PIP5K1B: variants seen among roughly 807,000 people sequenced by gnomAD.
The protein encoded by PIP5K1B is phosphatidylinositol-4-phosphate 5-kinase type 1 beta, also known as phosphatidylinositol 4-phosphate 5-kinase type-1 beta.
In PIP5K1B, 42 loss-of-function variants were observed where a neutral mutation model predicts 67.0. That is an observed-to-expected ratio of 0.63 (90% confidence interval 0.49 to 0.81). The LOEUF is 0.81. Ranked by LOEUF, PIP5K1B falls within the 30% of genes least tolerant of loss-of-function variation. The pLI, the probability that PIP5K1B is intolerant of heterozygous loss-of-function variation, is 0.00. For missense variants in PIP5K1B, 459 were observed against 646.3 expected (o/e 0.71, Z 3.14); for synonymous variants, 214 against 231.4 (o/e 0.92, Z 0.68).
At chr9:68,850,051 G>C (rs1324881300) in intron 4 of PIP5K1B, among the ~76,000 whole-genome samples, 1 of 152,160 alleles carries the variant, frequency 6.6e-6, no homozygotes, top group African/African-American at 2.4e-5. Flanking sequence ...TTTCTCACAC[G>C]CATGAAGTGC....
rs1034969019 is a variant in PIP5K1B at position 68,920,425 on chromosome 9, T to A, written c.1116+696T>A. Among the ~76,000 whole-genome samples the A allele has an allele frequency of 6.2e-5, 8 of 128,932 alleles. No homozygotes were observed. The Admixed American group carries it at 7.4e-4, about 12-fold the overall frequency. 84.6% of individuals were successfully genotyped at this position (128,932 alleles called of 152,430 possible). A position where few individuals can be genotyped will look rare whatever the true frequency, so the allele number is the denominator to read the frequency against. On this transcript the variant is annotated intron_variant, in intron 11 of 15. Transcript: ENST00000265382. Reference sequence around the variant, plus strand: ...CTCTGTCACCCAGGCTGGAGTGCAGTGGTGCAATCTCAGCTCACTGCAACC... The same window carrying A: ...CTCTGTCACCCAGGCTGGAGTGCAGAGGTGCAATCTCAGCTCACTGCAACC...
rs182677357 is a variant in PIP5K1B, at chr9:68,987,455, G to A, written c.1503-3685G>A. 7.4e-5 allele frequency among the ~76,000 whole-genome samples: 11 copies of A among 149,474 alleles called. No homozygotes were observed. In the East Asian group the frequency reaches 1.6e-3, roughly 22 times the overall value. On this transcript the variant is annotated intron_variant, in intron 14 of 15. Transcript: ENST00000265382. ...CAAGTGCCTATAATCCCTGCTACTC[G>A]GGAGCCTGAGGCAGGAGAATCACTT...
At chr9:68,843,202 G>A (rs1822006592) in intron 4 of PIP5K1B, 1 of 152,210 alleles carries the variant, frequency 6.6e-6, no homozygotes, top group Non-Finnish European at 1.5e-5. Flanking sequence ...CCCCAGTCAG[G>A]GAACCCTATG....
intron 15 of PIP5K1B, among the ~76,000 whole-genome samples, chr9:68,994,302 A>G (rs1830516734): frequency 6.6e-6 from 1 of 152,086 alleles, no homozygotes; most frequent in South Asian, 2.1e-4. Context: ...TCGGCCTCCC[A>G]AAGTGCTGGG....
chr9:68,918,650 G>A (rs1826219373), intron 9 of PIP5K1B, among the ~76,000 whole-genome samples: 1 of 152,188 alleles, frequency 6.6e-6, no homozygotes, highest in African/African-American at 2.4e-5. Context: ...CAAGGAGACT[G>A]AAAGAAAGCA....
At chr9:68,992,698 G>A (rs1830431298) in intron 15 of PIP5K1B, among the ~76,000 whole-genome samples, 1 of 151,432 alleles carries the variant, frequency 6.6e-6, no homozygotes, top group African/African-American at 2.4e-5. Flanking sequence ...AAATTAGGCA[G>A]GCATGGTGGT....
intron 6 of PIP5K1B, among the ~76,000 whole-genome samples, chr9:68,883,461 C>T (rs760172542): frequency 6.6e-6 from 1 of 152,214 alleles, no homozygotes; most frequent in Non-Finnish European, 1.5e-5. Flanking sequence ...ACTTAGGAAG[C>T]CAGCAGACAC....
chr9:69,000,622 CT>C (rs1029400204), intron 15 of PIP5K1B, among the ~76,000 whole-genome samples: 4 of 152,174 alleles, frequency 2.6e-5, no homozygotes, highest in African/African-American at 7.2e-5. Flanking sequence ...CATCTTCCCC[CT>C]GTACGTGTCT....
chr9:68,842,535 ATGT>A (rs1320102602), intron 4 of PIP5K1B, among the ~76,000 whole-genome samples: 1 of 152,214 alleles, frequency 6.6e-6, no homozygotes, highest in East Asian at 1.9e-4. Context: ...ACAAGCATTG[ATGT>A]TGTACTTCCA....
chr9:68,819,056 T>C (rs1462362770), intron 3 of PIP5K1B, among the ~76,000 whole-genome samples: 1 of 152,156 alleles, frequency 6.6e-6, no homozygotes, highest in Non-Finnish European at 1.5e-5. Flanking sequence ...AACATAAAAT[T>C]AGCCATTTAA....
chr9:68,960,929 G>T (rs1462306451), intron 14 of PIP5K1B, among the ~76,000 whole-genome samples: 1 of 151,788 alleles, frequency 6.6e-6, no homozygotes, highest in African/African-American at 2.4e-5. Flanking sequence ...GCGTGTCACC[G>T]GCCGGGCGCG....
intron 1 of PIP5K1B, among the ~76,000 whole-genome samples, chr9:68,737,063 T>C (rs1347649165): frequency 6.6e-6 from 1 of 152,234 alleles, no homozygotes; most frequent in Non-Finnish European, 1.5e-5. Context: ...AAGATAAATA[T>C]CCAAGTTTAG....
chr9:68,931,242 A>T (rs1320023351), intron 12 of PIP5K1B, among the ~76,000 whole-genome samples: 1 of 152,252 alleles, frequency 6.6e-6, no homozygotes, highest in Non-Finnish European at 1.5e-5. Context: ...TGTCTAAAGT[A>T]CTAAAGCTTA....
intron 1 of PIP5K1B, among the ~76,000 whole-genome samples, chr9:68,712,643 A>T (rs1827445571): frequency 6.6e-6 from 1 of 152,190 alleles, no homozygotes; most frequent in African/African-American, 2.4e-5. Flanking sequence ...GCTGAATCAG[A>T]CTGAGAGGAC....
At chr9:68,892,524 A>G (rs1194685590) in intron 7 of PIP5K1B, among the ~76,000 whole-genome samples, 1 of 152,194 alleles carries the variant, frequency 6.6e-6, no homozygotes, top group Non-Finnish European at 1.5e-5. Context: ...TCAATTGGAA[A>G]ATGTCAGACT....
At chr9:68,779,957 C>G (rs1021173547) in intron 2 of PIP5K1B, 44 of 582,202 alleles carry the variant, frequency 7.6e-5, no homozygotes, top group Non-Finnish European at 1.2e-4. Context: ...TCGCCCCTCC[C>G]CTACCACTGC....
At chr9:68,746,871 C>G (rs1829337672) in intron 2 of PIP5K1B, among the ~76,000 whole-genome samples, 1 of 152,118 alleles carries the variant, frequency 6.6e-6, no homozygotes, top group Non-Finnish European at 1.5e-5. Flanking sequence ...AGATGCAGCC[C>G]CATGAAAGCA....
intron 14 of PIP5K1B, among the ~76,000 whole-genome samples, chr9:68,971,159 G>A (rs1006401098): frequency 6.6e-6 from 1 of 151,918 alleles, no homozygotes; most frequent in Admixed American, 6.6e-5. Flanking sequence ...CCCACTCCCC[G>A]ACAGGCCCCA....
Position 68,826,936 on chromosome 9 carries a change from G to A in PIP5K1B, c.69+4253G>A, listed in dbSNP as rs1486723816. ...CTGGCTAATTTTTTGTATTTTAGTT[G>A]AGATGGGGTTTCACCATGTTGCCCA... On this transcript the variant is annotated intron_variant, in intron 4 of 15. Transcript: ENST00000265382. 8.8e-5 allele frequency among the ~76,000 whole-genome samples: 5 copies of A among 56,514 alleles called. No homozygotes were observed. In the East Asian group the frequency reaches 2.4e-3, roughly 27 times the overall value. 37.1% of individuals were successfully genotyped at this position (56,514 alleles called of 152,430 possible). A position where few individuals can be genotyped will look rare whatever the true frequency, so the allele number is the denominator to read the frequency against.
Sources: allele counts gnomAD v4.1 joint callset (sites outside exome capture counted in the v4.1 genomes callset), GRCh38; gene constraint gnomAD v4.1.1; transcripts MANE v1.5; gene names NCBI Gene and HGNC (gene_info 2026-07-23, HGNC 2026-07-21).